MYH6: variants seen among roughly 807,000 people sequenced by gnomAD.
MYH6 encodes myosin heavy chain 6, also known as myosin-6.
Under a neutral mutation model 223.2 loss-of-function variants are expected in MYH6, and 126 were observed. That is an observed-to-expected ratio of 0.56 (90% CI 0.49 to 0.65). The LOEUF (loss-of-function observed/expected upper bound fraction) is 0.65, where lower values mean the gene tolerates loss of function less well. MYH6 is among the 30% of genes least tolerant of loss of function. The probability of loss-of-function intolerance (pLI) is 0.00; values close to 1 mark genes in which losing one functional copy is unlikely to be tolerated. For synonymous variants in MYH6, 978 were observed against 1,010.2 expected (o/e 0.97, Z 0.61); for missense variants, 2,040 against 2,536.4 (o/e 0.80, Z 4.20).
Position 23,386,733 on chromosome 14 carries a change from T to C in MYH6, c.4651-110A>G, listed in dbSNP as rs968804425. On this transcript the variant is annotated intron_variant, in intron 32 of 38. Coordinates refer to ENST00000405093, the MANE Select transcript of MYH6 (RefSeq NM_002471.4). ...GGACTATCGCCCAGAGAAGAAGAGC[T>C]GAGAAGAGATGGGGAGGTGGGATCT... 7.5e-6 allele frequency: 10 copies of C among 1,334,224 alleles called. No homozygotes were observed. In the Middle Eastern group the frequency reaches 6.3e-4, roughly 84 times the overall value. 82.6% of individuals were successfully genotyped at this position (1,334,224 alleles called of 1,614,324 possible). A position where few individuals can be genotyped will look rare whatever the true frequency, so the allele number is the denominator to read the frequency against.
chr14:23,387,933 G>C lies in MYH6; in HGVS notation c.4360-10C>G. ...TCCACTCGGCCAGGATCTGCCCGGGGACAAGGCTCACTCTTCAGCCCCCCA... is the reference window on the plus strand; with the variant it reads ...TCCACTCGGCCAGGATCTGCCCGGGCACAAGGCTCACTCTTCAGCCCCCCA... On this transcript the variant is annotated splice_polypyrimidine_tract_variant and intron_variant, in intron 30 of 38. Coordinates refer to ENST00000405093, the MANE Select transcript of MYH6 (RefSeq NM_002471.4). 6.2e-7 allele frequency: 1 copy of C among 1,613,068 alleles called. No homozygotes were observed.
chr14:23,397,325 C>G, intron 16 of MYH6, 68 bp from the exon 17 acceptor site: 2 of 1,453,576 alleles, frequency 1.4e-6, no homozygotes, highest in Non-Finnish European at 1.9e-6. Context: ...AAACCCTGGT[C>G]CCCAGACACT....
In MYH6 at chr14:23,386,452, G is replaced by T; in HGVS notation, c.4822C>A (p.Arg1608Ser). 1.2e-6 allele frequency: 2 copies of T among 1,614,142 alleles called. No homozygotes were observed. The highest frequency in any genetic ancestry group is 1.7e-6 in the Non-Finnish European group (2 of 1,180,028). ...ACCCTCAGGACCTCGTTGCGGCTGCGTGTCTCTGCATCCAGGGAGGTCTGC... is the reference window on the plus strand; with the variant it reads ...ACCCTCAGGACCTCGTTGCGGCTGCTTGTCTCTGCATCCAGGGAGGTCTGC... ...SLQTSLDAET[R>S]SRNEVLRVKK... The change falls in exon 33 of 39, where the codon CGC becomes AGC. Residue 1608 changes from arginine to serine, a missense_variant. Arg to Ser is a moderately radical substitution (Grantham distance 110). Around this residue, in one of 4 missense-constraint regions of MYH6, gnomAD observed 1,203 missense variants for 1,400.2 expected, o/e 0.86. Transcript: ENST00000405093.
At chr14:23,399,199 C>T (rs1296860385) in intron 14 of MYH6, among the ~76,000 whole-genome samples, 162 bp from the exon 15 acceptor site, 10 of 152,182 alleles carry the variant, frequency 6.6e-5, no homozygotes, top group African/African-American at 2.4e-4. Flanking sequence ...AGCCAATATT[C>T]CTGGAATTTA....
intron 20 of MYH6, 140 bp from the exon 21 acceptor site, chr14:23,394,463 G>A: frequency 2.6e-6 from 3 of 1,137,696 alleles, no homozygotes; most frequent in Admixed American, 2.7e-5. Flanking sequence ...TGAACATGGA[G>A]TTGCTTGATA....
chr14:23,384,978 C>T lies in MYH6; in HGVS notation c.5227G>A (p.Val1743Met). The T allele has an allele frequency of 1.2e-6, 2 of 1,614,250 alleles. No individual in the cohort carries two copies. Among genetic ancestry groups the T allele is most frequent in the Non-Finnish European group, 1.7e-6 (2 of 1,180,054 alleles). Residue 1743 changes from valine (V) to methionine (M), a missense_variant, in exon 35 of 39, where the codon GTG (valine) becomes ATG (methionine). Physicochemically the swap from Val to Met is conservative, Grantham distance 21 (BLOSUM62 1). Coordinates refer to ENST00000405093, the MANE Select transcript of MYH6 (RefSeq NM_002471.4). ...CTGCACTCCTGCACTGCCTCCTCCA[C>T]TTCCGACTGGAGCTGGGTCAGATCC... Reference protein sequence around the residue: ...ESDLTQLQSEVEEAVQECRNA... With the variant: ...ESDLTQLQSEMEEAVQECRNA...
chr14:23,398,988 G>C lies in MYH6; in HGVS notation c.1631C>G (p.Ala544Gly). The C allele has an allele frequency of 6.2e-7, 1 of 1,614,118 alleles. No homozygotes were observed. Among genetic ancestry groups the C allele is most frequent in the Non-Finnish European group, 8.5e-7 (1 of 1,180,016 alleles). Residue 544 changes from alanine (A) to glycine (G), a missense_variant, in exon 15 of 39, where the codon GCC becomes GGC. Around this residue, in one of 4 missense-constraint regions of MYH6, gnomAD observed 649 missense variants for 877.3 expected, o/e 0.74. Coordinates refer to ENST00000405093, the MANE Select transcript of MYH6 (RefSeq NM_002471.4). ...CTTGGCCTTGAAGGTCATGTCAGTG[G>C]CCTTGGGGAACATGCACTCCTCCTC... Reference protein sequence around the residue: ...ILEEECMFPKATDMTFKAKLY... With the variant: ...ILEEECMFPKGTDMTFKAKLY...
In MYH6 at chr14:23,383,339, G is replaced by GGGGGGGGCCCCCCCCCCCCC; in HGVS notation, c.5566-20_5566-19insGGGGGGGGGGGGGCCCCCCC. 2 of 108,172 alleles carry GGGGGGGGCCCCCCCCCCCCC rather than the reference G, an allele frequency of 1.8e-5. No individual in the cohort carries two copies. The highest frequency in any genetic ancestry group is 3.7e-5 in the Non-Finnish European group (2 of 54,360). The allele number at this position is 108,172 out of a possible 1,614,324, so 6.7% of individuals were successfully genotyped here. Reference sequence around the variant, plus strand: ...CCTCTGTCTGGGGGTGGGAGGGTGGGAGAAGCTGGTTTGGAGGGGGAGCAA... The same window carrying GGGGGGGGCCCCCCCCCCCCC: ...CCTCTGTCTGGGGGTGGGAGGGTGGGGGGGGGGCCCCCCCCCCCCCAGAAGCTGGTTTGGAGGGGGAGCAA... On this transcript the variant is annotated intron_variant, in intron 36 of 38. Coordinates refer to ENST00000405093, the MANE Select transcript of MYH6 (RefSeq NM_002471.4).
At position 23,389,534 on chromosome 14, in the gene MYH6, G is replaced by C. The variant is rs774894700; in HGVS notation, c.3860-23C>G. The stretch of plus-strand genomic sequence containing the variant: ...CTCCTGGAGGTGAAATGAGGGGCTT[G>C]TGGGCCATTTCACAAGTCATGTCCT... On this transcript the variant is annotated intron_variant, in intron 27 of 38. Coordinates refer to ENST00000405093, the MANE Select transcript of MYH6 (RefSeq NM_002471.4). 18 of 1,614,106 alleles carry C rather than the reference G, an allele frequency of 1.1e-5. 1 individual carries two copies. The South Asian group carries it at 2.0e-4, about 18-fold the overall frequency.
Position 23,397,891 on chromosome 14 carries a change from T to C in MYH6, c.1892-278A>G, listed in dbSNP as rs188623304. On this transcript the variant is annotated intron_variant, in intron 15 of 38. Coordinates refer to ENST00000405093, the MANE Select transcript of MYH6 (RefSeq NM_002471.4). The stretch of plus-strand genomic sequence containing the variant: ...TCCCTCTACTTGCCCTTCCTTCTTA[T>C]ATCTTTCCACATTCTAGTTCTCCTC... Among the ~76,000 whole-genome samples, 31 of 152,212 alleles carry C rather than the reference T, an allele frequency of 2.0e-4. 1 individual carries two copies. In the East Asian group the frequency reaches 4.6e-3, roughly 23 times the overall value.
Position 23,388,358 on chromosome 14 carries a change from G to A in MYH6, c.4176-20C>T. ...TTCTTTCTGCCCAGGTGAGGGTGGA[G>A]GGTGTGTGTGTGACTCTACTGGGCA... On this transcript the variant is annotated intron_variant, in intron 29 of 38. Coordinates refer to ENST00000405093, the MANE Select transcript of MYH6 (RefSeq NM_002471.4). 6.2e-7 allele frequency: 1 copy of A among 1,611,434 alleles called. No individual in the cohort carries two copies. The highest frequency in any genetic ancestry group is 8.5e-7 in the Non-Finnish European group (1 of 1,179,884).
At position 23,398,921 on chromosome 14, in the gene MYH6, C is replaced by T. The variant is rs1428319901; in HGVS notation, c.1698G>A (p.Lys566=). 1 of 1,613,998 alleles carries T rather than the reference C, an allele frequency of 6.2e-7. No homozygotes were observed. Among genetic ancestry groups the T allele is most frequent in the East Asian group, 2.2e-5 (1 of 44,892 alleles). Residue 566 remains lysine, a synonymous_variant, in exon 15 of 39, where the codon AAG becomes AAA. Transcript: ENST00000405093. ...CCTGCTTCCCCTTGATGTTGCGTGGCTTCTGGAAATTGTTGGACTTGCCCA... is the reference window on the plus strand; with the variant it reads ...CCTGCTTCCCCTTGATGTTGCGTGGTTTCTGGAAATTGTTGGACTTGCCCA... ...NHLGKSNNFQ[K]PRNIKGKQEA...
chr14:23,392,531 C>T (rs750264406), intron 25 of MYH6, 31 bp downstream of exon 25: 1 of 1,523,648 alleles, frequency 6.6e-7, no homozygotes, highest in Non-Finnish European at 9.1e-7. Flanking sequence ...CTATTGAGCT[C>T]CCACTTTCAT....
At chr14:23,399,949 T>C (rs1384536863) in intron 14 of MYH6, 1 of 437,610 alleles carries the variant, frequency 2.3e-6, no homozygotes, top group African/African-American at 2.0e-5. Context: ...AATTTCAGCC[T>C]AGGATCTTTC....
intron 3 of MYH6, among the ~76,000 whole-genome samples, chr14:23,406,786 T>C (rs926943680): frequency 6.6e-6 from 1 of 152,202 alleles, no homozygotes; most frequent in Non-Finnish European, 1.5e-5. Context: ...ACTGAGGTTC[T>C]TCTTCCTCAG....
chr14:23,400,182 T>C (rs1377977466), intron 14 of MYH6, 74 bp downstream of exon 14: 5 of 1,609,342 alleles, frequency 3.1e-6, no homozygotes, highest in Non-Finnish European at 4.3e-6. Context: ...GTTTCTTGGG[T>C]GTAGAAGGGA....
intron 36 of MYH6, 85 bp from the exon 37 acceptor site, chr14:23,383,405 C>G (rs1890921507): frequency 1.8e-6 from 2 of 1,114,404 alleles, no homozygotes; most frequent in East Asian, 5.1e-5. Flanking sequence ...TACTCTTCTC[C>G]CCTTGCCTTT....
At chr14:23,388,763 C>G (rs970311315) in intron 29 of MYH6, 96 bp downstream of exon 29, 8 of 1,561,276 alleles carry the variant, frequency 5.1e-6, no homozygotes, top group Middle Eastern at 1.7e-4. Flanking sequence ...CCTGTCTCTT[C>G]CACTTCCGTC....
In MYH6 at chr14:23,398,719, C is replaced by T; in HGVS notation, c.1891+9G>A. 2 of 1,614,128 alleles carry T rather than the reference C, an allele frequency of 1.2e-6. No homozygotes were observed. The highest frequency in any genetic ancestry group is 1.7e-6 in the Non-Finnish European group (2 of 1,179,982). ...GTCCCCTGGCCCAGTGCAGGGGCTG[C>T]CTGCTTACCAGTATCGGCAGTTGCG... On this transcript the variant is annotated intron_variant, in intron 15 of 38. Transcript: ENST00000405093.
Sources: gnomAD v4.1 joint callset for allele counts (sites outside exome capture counted in the v4.1 genomes callset) on GRCh38, gnomAD v4.1.1 for gene constraint, gnomAD v4.1.1 regional missense constraint, MANE v1.5 for transcripts, NCBI Gene and HGNC (gene_info 2026-07-23, HGNC 2026-07-21) for gene names.